The following IQCK variants were observed in gnomAD, a reference collection of about 807,000 sequenced individuals.
IQCK encodes the protein IQ motif containing K.
IQCK carries 29 observed loss-of-function variants against 28.1 expected under a neutral mutation model. That is an observed-to-expected ratio of 1.03 (90% CI 0.77 to 1.41). The LOEUF is 1.41. Among genes scored for constraint, IQCK ranks in the 40% most tolerant of loss-of-function variants. The pLI, the probability that IQCK is intolerant of heterozygous loss-of-function variation, is 0.00. For synonymous variants in IQCK, 113 were observed against 115.1 expected (o/e 0.98, Z 0.12); for missense variants, 359 against 314.7 (o/e 1.14, Z -1.07).
chr16:19,816,428 C>T (rs568718930), intron 7 of IQCK, among the ~76,000 whole-genome samples: 3 of 152,210 alleles, frequency 2.0e-5, no homozygotes, highest in East Asian at 3.9e-4. Flanking sequence ...ATTACAGGTG[C>T]GTGCCACCAC....
At chr16:19,821,193 A>C (rs2056066753) in intron 7 of IQCK, among the ~76,000 whole-genome samples, 1 of 152,092 alleles carries the variant, frequency 6.6e-6, no homozygotes, top group African/African-American at 2.4e-5. Flanking sequence ...GAAAAAATTA[A>C]ATTAAATTAA....
chr16:19,856,706 C>A, exon 10 of IQCK: 1 of 605,452 alleles, frequency 1.7e-6, no homozygotes, highest in Non-Finnish European at 2.9e-6. Flanking sequence ...TGCAAACAAG[C>A]TTTAATGCAA....
chr16:19,775,866 CTTTTTTTT>C (rs570530152), intron 6 of IQCK, among the ~76,000 whole-genome samples: 2 of 37,724 alleles, frequency 5.3e-5, no homozygotes, highest in African/African-American at 2.1e-4. Flanking sequence ...TGGGCACAGG[CTTTTTTTT>C]TTTTTTTTTT....
rs189485518 is a variant in IQCK at position 19,737,252 on chromosome 16, A to G, written c.474+1802A>G. The stretch of plus-strand genomic sequence containing the variant: ...CATCCTAGGGTCTATAAAATTATCC[A>G]TAGTTAATGATATCACCCAACTAGT... On this transcript the variant is annotated intron_variant, in intron 4 of 7. Coordinates refer to ENST00000564186, the Ensembl canonical transcript of IQCK. Among the ~76,000 whole-genome samples, 21 of 152,298 alleles carry G rather than the reference A, an allele frequency of 1.4e-4. 1 individual carries two copies. In the East Asian group the frequency reaches 3.7e-3, roughly 27 times the overall value.
At chr16:19,738,409 C>A (rs2054786084) in intron 4 of IQCK, among the ~76,000 whole-genome samples, 1 of 151,348 alleles carries the variant, frequency 6.6e-6, no homozygotes, top group South Asian at 2.1e-4. Context: ...CACAGTCTGA[C>A]CCCCCCCACC....
At chr16:19,739,324 T>G (rs984595078) in intron 4 of IQCK, among the ~76,000 whole-genome samples, 1 of 152,236 alleles carries the variant, frequency 6.6e-6, no homozygotes, top group Admixed American at 6.5e-5. Context: ...GGTTGTCATA[T>G]TGAACCTGGG....
intron 6 of IQCK, among the ~76,000 whole-genome samples, chr16:19,786,503 A>G (rs1163802593): frequency 1.4e-5 from 2 of 144,886 alleles, no homozygotes; most frequent in African/African-American, 5.7e-5. Flanking sequence ...TTTGAGACCA[A>G]CCTGGCCAAC....
intron 4 of IQCK, among the ~76,000 whole-genome samples, chr16:19,746,295 A>G (rs753478090): frequency 6.6e-6 from 1 of 152,106 alleles, no homozygotes; most frequent in Non-Finnish European, 1.5e-5. Context: ...ATCATGGAGA[A>G]TGGGGTTTCC....
chr16:19,778,188 TGAG>T (rs2151724217), intron 6 of IQCK, among the ~76,000 whole-genome samples: 1 of 152,192 alleles, frequency 6.6e-6, no homozygotes, highest in East Asian at 1.9e-4. Flanking sequence ...TTATCGAACT[TGAG>T]GAGGGGGTTG....
chr16:19,838,297 GT>G (rs1319916848), intron 9 of IQCK, among the ~76,000 whole-genome samples: 7 of 152,194 alleles, frequency 4.6e-5, no homozygotes, highest in Admixed American at 1.3e-4. Flanking sequence ...AAATCCGGAA[GT>G]TTAGAGGGTG....
At chr16:19,745,147 G>C (rs748945202) in intron 4 of IQCK, among the ~76,000 whole-genome samples, 2 of 152,144 alleles carry the variant, frequency 1.3e-5, no homozygotes, top group Non-Finnish European at 2.9e-5. Context: ...AAAAGTTAAT[G>C]ATAAGTAACA....
At chr16:19,769,791 G>A (rs916742842) in intron 6 of IQCK, among the ~76,000 whole-genome samples, 5 of 152,192 alleles carry the variant, frequency 3.3e-5, no homozygotes, top group Admixed American at 1.3e-4. Flanking sequence ...GGAGAGCCTG[G>A]AGTTGGGGCT....
downstream of IQCK, among the ~76,000 whole-genome samples, chr16:19,828,769 T>G (rs1381030666): frequency 6.7e-6 from 1 of 148,528 alleles, no homozygotes; most frequent in African/African-American, 2.5e-5. Flanking sequence ...CCCAGCTACT[T>G]GAACCCAGAA....
chr16:19,819,217 G>T (rs1253874065), intron 7 of IQCK, among the ~76,000 whole-genome samples: 1 of 152,172 alleles, frequency 6.6e-6, no homozygotes, highest in Non-Finnish European at 1.5e-5. Context: ...AGGGGGCTGG[G>T]TGTGTTGTCT....
Position 19,798,427 on chromosome 16 carries a change from T to A in IQCK, c.690+9505T>A, listed in dbSNP as rs1192621457. ...GCCAGAGTCCATCACAAAAAATATATATATATATATATATATATTTCGGTC... is the reference window on the plus strand; with the variant it reads ...GCCAGAGTCCATCACAAAAAATATAAATATATATATATATATATTTCGGTC... On this transcript the variant is annotated intron_variant, in intron 7 of 7. Coordinates refer to ENST00000564186, the Ensembl canonical transcript of IQCK. 3.3e-3 allele frequency among the ~76,000 whole-genome samples: 397 copies of A among 118,632 alleles called. 9 individuals carry two copies. Among genetic ancestry groups the A allele is most frequent in the African/African-American group, 0.02 (264 of 13,378 alleles). The allele number at this position is 118,632 out of a possible 152,430, so 77.8% of individuals were successfully genotyped here. A position where few individuals can be genotyped will look rare whatever the true frequency, so the allele number is the denominator to read the frequency against.
At chr16:19,849,799 GAAAGA>G (rs1397531407) in intron 9 of IQCK, among the ~76,000 whole-genome samples, 1 of 151,880 alleles carries the variant, frequency 6.6e-6, no homozygotes, top group Non-Finnish European at 1.5e-5. Context: ...AAGAAGGAAT[GAAAGA>G]AAAGAAAGGA....
intron 6 of IQCK, among the ~76,000 whole-genome samples, chr16:19,774,115 G>A (rs1471323085): frequency 6.6e-6 from 1 of 152,180 alleles, no homozygotes; most frequent in East Asian, 1.9e-4. Flanking sequence ...TGTTCTAGAA[G>A]TCAAAGAAGT....
intron 6 of IQCK, among the ~76,000 whole-genome samples, chr16:19,778,500 T>C (rs1157639245): frequency 6.6e-6 from 1 of 152,076 alleles, no homozygotes; most frequent in East Asian, 1.9e-4. Context: ...CTACAAAACA[T>C]TTTTAAATTA....
intron 9 of IQCK, among the ~76,000 whole-genome samples, chr16:19,844,014 T>C (rs1248979823): frequency 6.6e-6 from 1 of 152,186 alleles, no homozygotes; most frequent in Non-Finnish European, 1.5e-5. Context: ...TGTTTCCACT[T>C]TTTGGCTATT....
Sources: gnomAD v4.1 joint callset for allele counts (sites outside exome capture counted in the v4.1 genomes callset) on GRCh38, gnomAD v4.1.1 for gene constraint, MANE v1.5 for transcripts, NCBI Gene and HGNC (gene_info 2026-07-23, HGNC 2026-07-21) for gene names.